The following RAB20 variants were observed in gnomAD, a reference collection of about 807,000 sequenced individuals.
RAB20 encodes the protein RAB20, member RAS oncogene family, also known as ras-related protein Rab-20.
RAB20 carries 2 observed loss-of-function variants against 3.7 expected under a neutral mutation model. The ratio of observed to expected loss-of-function variants is 0.54; its 90% CI spans 0.22 to 1.69. The LOEUF (loss-of-function observed/expected upper bound fraction) is 1.69. Ranked by LOEUF, RAB20 falls within the 40% of genes most tolerant of loss-of-function variation. RAB20 has a pLI of 0.19. For missense variants in RAB20, 276 were observed against 311.9 expected (o/e 0.88, Z 0.87); for synonymous variants, 126 against 130.8 (o/e 0.96, Z 0.25).
intron 1 of RAB20, among the ~76,000 whole-genome samples, chr13:110,525,213 T>C: frequency 6.6e-6 from 1 of 152,222 alleles, no homozygotes; most frequent in East Asian, 1.9e-4. Context: ...GAGTCAGGCA[T>C]AGCAGCGCTA....
chr13:110,523,589 C>A lies in RAB20; in HGVS notation c.*76G>T, dbSNP rs1884370859. The A allele has an allele frequency of 1.3e-6, 2 of 1,546,608 alleles. No homozygotes were observed. The highest frequency in any genetic ancestry group is 1.4e-5 in the African/African-American group (1 of 72,938). On this transcript the variant is annotated 3_prime_UTR_variant, in exon 2 of 2. Transcript: ENST00000267328. Reference sequence around the variant, plus strand: ...GAAAATAATTCCTTGCTGTTCCTTGCTCCTTTCAGATCACAGCTTGCCTGG... The same window carrying A: ...GAAAATAATTCCTTGCTGTTCCTTGATCCTTTCAGATCACAGCTTGCCTGG...
At chr13:110,526,094 T>TA (rs1229292022) in intron 1 of RAB20, among the ~76,000 whole-genome samples, 2 of 152,324 alleles carry the variant, frequency 1.3e-5, no homozygotes, top group African/African-American at 4.8e-5. Context: ...GAAGCTCCCA[T>TA]AGCACCTGCT....
At chr13:110,553,882 AAGGTAG>A (rs1188446268) in intron 1 of RAB20, among the ~76,000 whole-genome samples, 1 of 152,206 alleles carries the variant, frequency 6.6e-6, no homozygotes, top group Admixed American at 6.5e-5. Context: ...TTGGGAGGCC[AAGGTAG>A]GAAGATCACT....
chr13:110,536,861 T>G (rs1320832088), intron 1 of RAB20, among the ~76,000 whole-genome samples: 1 of 151,760 alleles, frequency 6.6e-6, no homozygotes, highest in Non-Finnish European at 1.5e-5. Context: ...ACATGTGCCA[T>G]GTTGGTGTGC....
At chr13:110,547,680 C>A (rs1371541554) in intron 1 of RAB20, among the ~76,000 whole-genome samples, 1 of 152,182 alleles carries the variant, frequency 6.6e-6, no homozygotes, top group Non-Finnish European at 1.5e-5. Flanking sequence ...AATAACCTTG[C>A]TACCTGCTAC....
intron 1 of RAB20, among the ~76,000 whole-genome samples, chr13:110,536,145 T>A (rs1884634830): frequency 6.6e-6 from 1 of 152,152 alleles, no homozygotes; most frequent in Non-Finnish European, 1.5e-5. Context: ...GAGGCAGAGA[T>A]GAGAGCCACA....
chr13:110,536,721 T>TTTGG (rs1164445964), intron 1 of RAB20, among the ~76,000 whole-genome samples: 1 of 7,450 alleles, frequency 1.3e-4, no homozygotes. Context: ...GGCTTTTTTT[T>TTTGG]GGGGCGGTGG....
intron 1 of RAB20, among the ~76,000 whole-genome samples, chr13:110,541,303 G>C (rs1884758478): frequency 2.0e-5 from 3 of 152,198 alleles, no homozygotes. Flanking sequence ...TAACAGGCCA[G>C]AGTTAATCAG....
At chr13:110,542,138 TTTG>T (rs1185895581) in intron 1 of RAB20, among the ~76,000 whole-genome samples, 1 of 152,194 alleles carries the variant, frequency 6.6e-6, no homozygotes, top group Non-Finnish European at 1.5e-5. Flanking sequence ...GATGACGAGT[TTTG>T]TTTTGTTTTT....
intron 1 of RAB20, among the ~76,000 whole-genome samples, chr13:110,538,739 G>A (rs1267745043): frequency 6.6e-6 from 1 of 152,146 alleles, no homozygotes; most frequent in Admixed American, 6.5e-5. Flanking sequence ...CCTGGGGACG[G>A]CTGTTTCCTC....
In RAB20 at chr13:110,561,675, A is replaced by T. The variant is rs1885139574; in HGVS notation, c.-156T>A. On this transcript the variant is annotated 5_prime_UTR_variant, in exon 1 of 2. Coordinates refer to ENST00000267328, the MANE Select transcript of RAB20 (RefSeq NM_017817.3). The stretch of plus-strand genomic sequence containing the variant: ...TTCGCCTCCGGACGCCCGGGAGCTC[A>T]AGAGAGGAAGCGCGTGTGCGCGCCC... 7.8e-7 allele frequency: 1 copy of T among 1,290,064 alleles called. No individual in the cohort carries two copies. Among genetic ancestry groups the T allele is most frequent in the African/African-American group, 1.6e-5 (1 of 63,522 alleles). The allele number at this position is 1,290,064 out of a possible 1,614,324, so 79.9% of individuals were successfully genotyped here.
At position 110,561,495 on chromosome 13, in the gene RAB20, C is replaced by G. The variant is rs1264737337; in HGVS notation, c.25G>C (p.Val9Leu). 2.5e-6 allele frequency: 4 copies of G among 1,587,948 alleles called. No homozygotes were observed. Among genetic ancestry groups the G allele is most frequent in the Non-Finnish European group, 3.4e-6 (4 of 1,167,658 alleles). The stretch of plus-strand genomic sequence containing the variant: ...CCCACGTTCATGTCCCCCAGGAGCA[C>G]GATCTTGCTGTCGGGCTTCCTCATC... MRKPDSKI[V>L]LLGDMNVGKT... The change falls in exon 1 of 2, where the codon GTG becomes CTG. Residue 9 changes from valine (V) to leucine (L), a missense_variant. Coordinates refer to ENST00000267328, the MANE Select transcript of RAB20 (RefSeq NM_017817.3).
chr13:110,540,843 C>T (rs1330567641), intron 1 of RAB20, among the ~76,000 whole-genome samples: 8 of 152,218 alleles, frequency 5.3e-5, no homozygotes, highest in African/African-American at 1.2e-4. Flanking sequence ...ATCTCTCTCA[C>T]GCAAAATAGT....
intron 1 of RAB20, among the ~76,000 whole-genome samples, chr13:110,558,694 G>GTTTT (rs67548367): frequency 2.2e-4 from 11 of 50,912 alleles, no homozygotes; most frequent in East Asian, 7.2e-4. Flanking sequence ...CTTCCCATCT[G>GTTTT]TTTTTTTTTT....
At position 110,533,030 on chromosome 13, in the gene RAB20, C is replaced by A. The variant is rs1441246753; in HGVS notation, c.173-8833G>T. ...TTCTCTGCCTTGCCAGATCGGACAGCCCCCTGGCAGGGAGCTCACAAAACA... is the reference window on the plus strand; with the variant it reads ...TTCTCTGCCTTGCCAGATCGGACAGACCCCTGGCAGGGAGCTCACAAAACA... On this transcript the variant is annotated intron_variant, in intron 1 of 1. Transcript: ENST00000267328. Among the ~76,000 whole-genome samples, 5 of 151,908 alleles carry A rather than the reference C, an allele frequency of 3.3e-5. No individual in the cohort carries two copies. The East Asian group carries it at 5.8e-4, about 18-fold the overall frequency.
rs755028772 is a variant in RAB20 at position 110,561,406 on chromosome 13, G to A, written c.114C>T (p.Gly38=). Residue 38 remains glycine, a synonymous_variant, in exon 1 of 2, where the codon GGC becomes GGT. Transcript: ENST00000267328. ...RRFPDTVSTV[G]GAFYLKQWRS... The stretch of plus-strand genomic sequence containing the variant: ...GCCACTGCTTCAGGTAGAAGGCGCC[G>A]CCCACCGTGCTGACCGTGTCCGGGA... The A allele has an allele frequency of 3.6e-5, 58 of 1,609,610 alleles. No homozygotes were observed. Among genetic ancestry groups the A allele is most frequent in the Non-Finnish European group, 4.8e-5 (56 of 1,178,110 alleles).
chr13:110,541,816 C>CCACACACA (rs10624545), intron 1 of RAB20, among the ~76,000 whole-genome samples: 14,021 of 149,436 alleles, frequency 0.094, 784 homozygotes, highest in East Asian at 0.18. Flanking sequence ...GAGTGTCCAG[C>CCACACACA]CACACACACA....
At chr13:110,556,522 T>C (rs778220020) in intron 1 of RAB20, among the ~76,000 whole-genome samples, 14 of 152,152 alleles carry the variant, frequency 9.2e-5, no homozygotes, top group Non-Finnish European at 2.1e-4. Context: ...AATATATCTA[T>C]GGTTTTAATT....
At chr13:110,537,013 G>A (rs538006373) in intron 1 of RAB20, among the ~76,000 whole-genome samples, 3 of 139,970 alleles carry the variant, frequency 2.1e-5, no homozygotes, top group Admixed American at 7.9e-5. Flanking sequence ...ACAGGGTCTC[G>A]CTCTGTCACC....
Sources: gnomAD v4.1 joint callset for allele counts (sites outside exome capture counted in the v4.1 genomes callset) on GRCh38, gnomAD v4.1.1 for gene constraint, MANE v1.5 for transcripts, NCBI Gene and HGNC (gene_info 2026-07-23, HGNC 2026-07-21) for gene names.